The following MYO1D variants were observed in gnomAD, a reference collection of about 807,000 sequenced individuals.
The protein encoded by MYO1D is myosin ID.
MYO1D carries 83 observed loss-of-function variants against 122.0 expected under a neutral mutation model. That is an observed-to-expected ratio of 0.68 (90% CI 0.57 to 0.82). The LOEUF is 0.82. Among genes scored for constraint, MYO1D ranks in the 40% least tolerant of loss-of-function variants. The pLI is 0.00. For synonymous variants in MYO1D, 464 were observed against 446.9 expected (o/e 1.04, Z -0.48); for missense variants, 1,157 against 1,269.5 (o/e 0.91, Z 1.35).
At chr17:32,701,370 A>G (rs900312340) in intron 16 of MYO1D, among the ~76,000 whole-genome samples, 1 of 152,204 alleles carries the variant, frequency 6.6e-6, no homozygotes, top group Non-Finnish European at 1.5e-5. Flanking sequence ...CTGTTCCAAA[A>G]TACAGACAAA....
intron 20 of MYO1D, among the ~76,000 whole-genome samples, chr17:32,607,045 A>C (rs888416573): frequency 6.6e-6 from 1 of 152,172 alleles, no homozygotes; most frequent in Non-Finnish European, 1.5e-5. Flanking sequence ...CTGTAATCCC[A>C]GCTACTCAGG....
At chr17:32,528,813 G>T (rs951416735) in intron 21 of MYO1D, among the ~76,000 whole-genome samples, 7 of 152,332 alleles carry the variant, frequency 4.6e-5, no homozygotes, top group Non-Finnish European at 8.8e-5. Flanking sequence ...GGCCGGAGGG[G>T]TGGAGGAGTG....
At chr17:32,659,036 A>T in intron 17 of MYO1D, 79 bp downstream of exon 17, 1 of 1,290,422 alleles carries the variant, frequency 7.7e-7, no homozygotes, top group Non-Finnish European at 1.1e-6. Flanking sequence ...AGTCAATATC[A>T]CGGTCTCAGA....
chr17:32,560,134 A>G lies in MYO1D; in HGVS notation c.2864+44953T>C, dbSNP rs534796148. 2.2e-3 allele frequency among the ~76,000 whole-genome samples: 333 copies of G among 152,284 alleles called. 2 individuals are homozygous for G. Among genetic ancestry groups the G allele is most frequent in the African/African-American group, 7.5e-3 (312 of 41,566 alleles). On this transcript the variant is annotated intron_variant, in intron 21 of 21. Transcript: ENST00000318217. ...GCCAGGTGTGGTGGCATGTGCCTGT[A>G]ATCCCAGCTACTCAGGAGGATGAGG...
At chr17:32,560,468 A>G (rs1292432345) in intron 21 of MYO1D, among the ~76,000 whole-genome samples, 1 of 144,722 alleles carries the variant, frequency 6.9e-6, no homozygotes, top group Non-Finnish European at 1.5e-5. Flanking sequence ...AAGTTACTGC[A>G]AGAAAGAAAT....
In MYO1D at chr17:32,876,700, G is replaced by A. The variant is rs978867102; in HGVS notation, c.95+78C>T. On this transcript the variant is annotated intron_variant, in intron 1 of 21. Coordinates refer to ENST00000318217, the MANE Select transcript of MYO1D (RefSeq NM_015194.3). ...GAGCTTGGGCGCTCCCGACACCCCG[G>A]ATCCGGCCGCGCCCCGAGGCGCCCC... is the stretch of plus-strand genomic sequence containing the variant. 4 of 1,255,598 alleles carry A rather than the reference G, an allele frequency of 3.2e-6. No homozygotes were observed. The African/African-American group carries it at 6.4e-5, about 20-fold the overall frequency. 77.8% of individuals were successfully genotyped at this position (1,255,598 alleles called of 1,614,324 possible). A position where few individuals can be genotyped will look rare whatever the true frequency, so the allele number is the denominator to read the frequency against.
chr17:32,624,382 C>T (rs1284008440), intron 20 of MYO1D, among the ~76,000 whole-genome samples: 1 of 151,912 alleles, frequency 6.6e-6, no homozygotes, highest in African/African-American at 2.4e-5. Context: ...TTGCTGATGC[C>T]TAGCTCTACC....
At chr17:32,521,964 C>A (rs541793003) in intron 21 of MYO1D, among the ~76,000 whole-genome samples, 37 of 151,736 alleles carry the variant, frequency 2.4e-4, no homozygotes, top group Middle Eastern at 3.4e-3. Context: ...CGCCTGTAAT[C>A]CCAGCTACTC....
At chr17:32,712,257 T>G (rs2089387794) in intron 15 of MYO1D, 62 bp from the exon 16 acceptor site, 1 of 1,447,760 alleles carries the variant, frequency 6.9e-7, no homozygotes, top group Non-Finnish European at 9.5e-7. Context: ...AATAGAAAAC[T>G]ATTCAATAAA....
At chr17:32,863,519 G>C (rs531137437) in intron 1 of MYO1D, among the ~76,000 whole-genome samples, 2 of 152,260 alleles carry the variant, frequency 1.3e-5, no homozygotes, top group South Asian at 4.2e-4. Context: ...GGGAATTCAC[G>C]GGGAGGCACA....
intron 16 of MYO1D, among the ~76,000 whole-genome samples, chr17:32,710,268 T>C (rs1170168039): frequency 3.3e-5 from 5 of 152,152 alleles, no homozygotes; most frequent in African/African-American, 1.2e-4. Flanking sequence ...TGTGTGTAAG[T>C]GTGAATAAAA....
chr17:32,786,041 G>A (rs965886894), intron 1 of MYO1D, among the ~76,000 whole-genome samples: 9 of 152,186 alleles, frequency 5.9e-5, no homozygotes, highest in African/African-American at 2.2e-4. Flanking sequence ...CCTAGTTGAG[G>A]CAGGTTGCTA....
rs140547578 is a variant in MYO1D, at chr17:32,688,892, C to A, written c.2121+23096G>T. Among the ~76,000 whole-genome samples, 736 of 151,640 alleles carry A rather than the reference C, an allele frequency of 4.9e-3. 6 individuals carry two copies. The highest frequency in any genetic ancestry group is 0.017 in the African/African-American group (702 of 41,246). ...ATTTTCAAATGGTAATACTCATTTA[C>A]AGTGCATATGGTCTCTTTGATTTTT... On this transcript the variant is annotated intron_variant, in intron 16 of 21. Transcript: ENST00000318217.
chr17:32,782,976 A>C (rs2090256093), intron 1 of MYO1D, among the ~76,000 whole-genome samples: 1 of 151,062 alleles, frequency 6.6e-6, no homozygotes, highest in Admixed American at 6.6e-5. Flanking sequence ...CTGTCAGTCA[A>C]CTACAAGTCA....
rs957069296 is a variant in MYO1D, at chr17:32,763,279, A to G, written c.1035+1599T>C. 3.2e-4 allele frequency among the ~76,000 whole-genome samples: 48 copies of G among 152,152 alleles called. 1 individual carries two copies. The highest frequency in any genetic ancestry group is 6.5e-4 in the Admixed American group (10 of 15,274). ...ACTTAGGAAAAATTCAAATTCCCCC[A>G]AAACTAAAAACCAAGCCTAAGACTT... On this transcript the variant is annotated intron_variant, in intron 8 of 21. Transcript: ENST00000318217.
At chr17:32,605,790 A>T (rs1373121393) in intron 20 of MYO1D, among the ~76,000 whole-genome samples, 2 of 152,098 alleles carry the variant, frequency 1.3e-5, no homozygotes, top group African/African-American at 4.8e-5. Context: ...GTTAAAACCA[A>T]ATAATTCTGG....
intron 1 of MYO1D, among the ~76,000 whole-genome samples, chr17:32,851,226 A>G (rs1024014266): frequency 6.6e-6 from 1 of 152,132 alleles, no homozygotes; most frequent in Non-Finnish European, 1.5e-5. Flanking sequence ...CACAAAGCAA[A>G]ATAAAATCCA....
chr17:32,742,056 A>T (rs531267319), intron 13 of MYO1D, among the ~76,000 whole-genome samples: 1 of 150,786 alleles, frequency 6.6e-6, no homozygotes, highest in East Asian at 1.9e-4. Context: ...AATTTTTTTT[A>T]AAGATGTTTG....
chr17:32,662,545 C>T (rs1316768181), intron 16 of MYO1D, among the ~76,000 whole-genome samples: 2 of 152,022 alleles, frequency 1.3e-5, no homozygotes, highest in African/African-American at 2.4e-5. Context: ...TGGTGGTGCG[C>T]GTCTGTAATT....
Sources: allele counts gnomAD v4.1 joint callset (sites outside exome capture counted in the v4.1 genomes callset), GRCh38; gene constraint gnomAD v4.1.1; transcripts MANE v1.5; gene names NCBI Gene and HGNC (gene_info 2026-07-23, HGNC 2026-07-21).